MCCC2: variants seen among roughly 807,000 people sequenced by gnomAD.
MCCC2 encodes methylcrotonoyl-CoA carboxylase beta chain, mitochondrial.
MCCC2 carries 52 observed loss-of-function variants against 77.2 expected under a neutral mutation model. That is an observed-to-expected ratio of 0.67 (90% CI 0.54 to 0.85). The LOEUF (loss-of-function observed/expected upper bound fraction) is 0.85, where lower values mean the gene tolerates loss of function less well. Ranked by LOEUF, MCCC2 falls within the 40% of genes least tolerant of loss-of-function variation. MCCC2 has a pLI of 0.00. For synonymous variants in MCCC2, 253 were observed against 248.4 expected, an observed-to-expected ratio of 1.02 and a Z score of -0.18; for missense variants, 682 against 703.2, an observed-to-expected ratio of 0.97 and a Z score of 0.34.
At chr5:71,588,383 G>A (rs141139314) in intron 1 of MCCC2, among the ~76,000 whole-genome samples, 12 of 152,126 alleles carry the variant, frequency 7.9e-5, no homozygotes, top group African/African-American at 2.9e-4. Context: ...CAAAACTTGC[G>A]AAATATCAGA....
chr5:71,605,158 C>A (rs1293857613), intron 6 of MCCC2, among the ~76,000 whole-genome samples: 2 of 93,338 alleles, frequency 2.1e-5, no homozygotes, highest in African/African-American at 6.8e-5. Flanking sequence ...AATCGCCACA[C>A]TGACTTCGAC....
intron 6 of MCCC2, among the ~76,000 whole-genome samples, chr5:71,618,631 C>A (rs1336973124): frequency 1.3e-5 from 2 of 151,868 alleles, no homozygotes; most frequent in Non-Finnish European, 2.9e-5. Flanking sequence ...AGTTATCCTC[C>A]CACCTCAGCT....
chr5:71,618,488 TCTTC>T (rs60010762), intron 6 of MCCC2, among the ~76,000 whole-genome samples: 11,688 of 96,648 alleles, frequency 0.12, 586 homozygotes, highest in East Asian at 0.15. Flanking sequence ...CTTCTTTCCT[TCTTC>T]CTTCCTTCCT....
intron 5 of MCCC2, among the ~76,000 whole-genome samples, chr5:71,603,972 C>T (rs1309680840): frequency 6.6e-6 from 1 of 152,186 alleles, no homozygotes; most frequent in Non-Finnish European, 1.5e-5. Flanking sequence ...AAAACAGTAT[C>T]AGAAGGCAAT....
Position 71,657,478 on chromosome 5 carries a change from G to A in MCCC2, c.*618G>A, listed in dbSNP as rs1375234677. On this transcript the variant is annotated 3_prime_UTR_variant, in exon 17 of 17. Coordinates refer to ENST00000340941, the MANE Select transcript of MCCC2 (RefSeq NM_022132.5). ...GTGTTTCTCTGTTGCCCAGGCTGGA[G>A]TGCGGTGGTGTGATCTCGGCTCACT... is the stretch of plus-strand genomic sequence containing the variant. 2 of 152,358 alleles carry A rather than the reference G, an allele frequency of 1.3e-5. No individual in the cohort carries two copies. The highest frequency in any genetic ancestry group is 4.8e-5 in the African/African-American group (2 of 41,244). 9.4% of individuals were successfully genotyped at this position (152,358 alleles called of 1,614,324 possible).
chr5:71,611,979 A>G lies in MCCC2; in HGVS notation c.624+7511A>G, dbSNP rs375932125. ...AATTTTTTGTATTTTTAGTAGAGAC[A>G]GGGTTTCACCACATTAGCCAGGATG... On this transcript the variant is annotated intron_variant, in intron 6 of 16. Coordinates refer to ENST00000340941, the MANE Select transcript of MCCC2 (RefSeq NM_022132.5). 3.2e-4 allele frequency among the ~76,000 whole-genome samples: 49 copies of G among 152,048 alleles called. 1 individual carries two copies. The highest frequency in any genetic ancestry group is 1.5e-3 in the South Asian group (7 of 4,814).
chr5:71,604,596 TATAC>T, intron 6 of MCCC2, 128 bp downstream of exon 6: 1 of 752,292 alleles, frequency 1.3e-6, no homozygotes, highest in African/African-American at 1.8e-5. Flanking sequence ...TTTTTTTTTT[TATAC>T]TTTAGGTTTT....
intron 6 of MCCC2, among the ~76,000 whole-genome samples, chr5:71,623,472 G>T (rs1053457051): frequency 1.3e-5 from 2 of 152,124 alleles, no homozygotes; most frequent in Non-Finnish European, 2.9e-5. Context: ...TCTTCCTAGA[G>T]CAGCTCACAC....
intron 6 of MCCC2, among the ~76,000 whole-genome samples, chr5:71,611,997 C>A (rs1231763867): frequency 1.3e-5 from 2 of 152,034 alleles, no homozygotes; most frequent in Admixed American, 6.6e-5. Flanking sequence ...ACCACATTAG[C>A]CAGGATGGTC....
chr5:71,653,422 T>C (rs1747494184), intron 16 of MCCC2, among the ~76,000 whole-genome samples: 1 of 152,180 alleles, frequency 6.6e-6, no homozygotes, highest in Non-Finnish European at 1.5e-5. Flanking sequence ...TTCCGAAGAC[T>C]AATCTAAGCT....
At chr5:71,627,015 C>T (rs1005142493) in intron 7 of MCCC2, among the ~76,000 whole-genome samples, 1 of 152,136 alleles carries the variant, frequency 6.6e-6, no homozygotes, top group Non-Finnish European at 1.5e-5. Context: ...TCTGCCACCT[C>T]GGCACCACCA....
chr5:71,631,881 C>T (rs1354748911), intron 7 of MCCC2, among the ~76,000 whole-genome samples: 2 of 152,016 alleles, frequency 1.3e-5, no homozygotes, highest in Non-Finnish European at 2.9e-5. Context: ...AATGAGACTC[C>T]ATTGCTTGCT....
chr5:71,599,005 C>CA (rs1272569061), intron 3 of MCCC2, among the ~76,000 whole-genome samples: 1 of 151,846 alleles, frequency 6.6e-6, no homozygotes. Flanking sequence ...GCAGTCCACC[C>CA]ACTTGAGCCC....
intron 3 of MCCC2, among the ~76,000 whole-genome samples, chr5:71,599,260 C>T (rs1345410668): frequency 6.6e-6 from 1 of 152,084 alleles, no homozygotes. Flanking sequence ...ATCCCAGTTA[C>T]TCGGGAGGCT....
rs747327321 is a variant in MCCC2, at chr5:71,587,479, C to T, written c.54C>T (p.Ala18=). 3.9e-6 allele frequency: 6 copies of T among 1,536,804 alleles called. No homozygotes were observed. In the South Asian group the frequency reaches 6.0e-5, roughly 15 times the overall value. ...ALRPCARASP[A]GPRAYHGDSV... ...GGCCGTGTGCCCGCGCCTCTCCCGC[C>T]GGGCCGCGCGCCTATCACGGGGACT... is the stretch of plus-strand genomic sequence containing the variant. Residue 18 remains alanine, a synonymous_variant, in exon 1 of 17, where the codon GCC becomes GCT. Coordinates refer to ENST00000340941, the MANE Select transcript of MCCC2 (RefSeq NM_022132.5).
chr5:71,604,515 G>A, intron 6 of MCCC2, 47 bp downstream of exon 6: 1 of 1,378,406 alleles, frequency 7.3e-7, no homozygotes, highest in Non-Finnish European at 1.0e-6. Context: ...TTACTCTTAA[G>A]TATCTTTACG....
At chr5:71,642,284 G>A (rs1747142981) in intron 11 of MCCC2, among the ~76,000 whole-genome samples, 1 of 152,104 alleles carries the variant, frequency 6.6e-6, no homozygotes, top group South Asian at 2.1e-4. Flanking sequence ...AGGATGGGAG[G>A]AATGAGAAGG....
Position 71,596,206 on chromosome 5 carries a change from G to A in MCCC2, c.197-74G>A. 3 of 556,400 alleles carry A rather than the reference G, an allele frequency of 5.4e-6. No individual in the cohort carries two copies. The South Asian group carries it at 6.8e-5, about 13-fold the overall frequency. 34.5% of individuals were successfully genotyped at this position (556,400 alleles called of 1,614,324 possible). On this transcript the variant is annotated intron_variant, in intron 2 of 16. Transcript: ENST00000340941. ...TAAAAAGTGCTATATTTTGGATTAAGTATTATGTTTTTCTGGCATTGAGAC... is the reference window on the plus strand; with the variant it reads ...TAAAAAGTGCTATATTTTGGATTAAATATTATGTTTTTCTGGCATTGAGAC...
intron 1 of MCCC2, among the ~76,000 whole-genome samples, chr5:71,591,318 TAA>T (rs991507711): frequency 2.6e-5 from 4 of 152,206 alleles, no homozygotes; most frequent in Non-Finnish European, 4.4e-5. Context: ...AAACAAAATT[TAA>T]AAATACAGAA....
Sources: gnomAD v4.1 joint callset for allele counts (sites outside exome capture counted in the v4.1 genomes callset) on GRCh38, gnomAD v4.1.1 for gene constraint, MANE v1.5 for transcripts, NCBI Gene and HGNC (gene_info 2026-07-23, HGNC 2026-07-21) for gene names.